The following LRRC56 variants were observed in gnomAD, a reference collection of about 807,000 sequenced individuals.
The protein encoded by LRRC56 is leucine rich repeat containing 56.
Under a neutral mutation model 47.8 loss-of-function variants are expected in LRRC56, and 41 were observed. The ratio of observed to expected loss-of-function variants is 0.86; its 90% CI spans 0.67 to 1.11. LRRC56 has a LOEUF of 1.11. Ranked by LOEUF, LRRC56 falls within the 50% of genes most tolerant of loss-of-function variation. The pLI is 0.00. For synonymous variants in LRRC56, 387 were observed against 311.2 expected, an observed-to-expected ratio of 1.24 and a Z score of -2.56; for missense variants, 759 against 704.2, an observed-to-expected ratio of 1.08 and a Z score of -0.88.
At chr11:551,042 G>A (rs1045543736) in intron 8 of LRRC56, 89 bp from the exon 9 acceptor site, 2 of 782,648 alleles carry the variant, frequency 2.6e-6, no homozygotes, top group African/African-American at 3.6e-5. Context: ...CCCACGGTGG[G>A]TCTGGGAAAG....
chr11:527,118 G>A, the LRRC56 span, among the ~76,000 whole-genome samples: 79 of 152,020 alleles, frequency 5.2e-4, no homozygotes, highest in Non-Finnish European at 2.8e-4. Flanking sequence ...TGGCTAACAC[G>A]GTGAAACCCC....
chr11:524,880 C>T, the LRRC56 span, among the ~76,000 whole-genome samples: 43 of 146,936 alleles, frequency 2.9e-4, no homozygotes, highest in African/African-American at 1.1e-3. Context: ...ATCATGAGGT[C>T]AGGAGATCAG....
the LRRC56 span, among the ~76,000 whole-genome samples, chr11:526,817 G>A: frequency 6.6e-6 from 1 of 151,882 alleles, no homozygotes; most frequent in African/African-American, 2.4e-5. Flanking sequence ...GGCACCAGTA[G>A]TCCCAGCTAC....
rs762980460 is a variant in LRRC56 at position 550,065 on chromosome 11, T to C, written c.424-7T>C. The C allele has an allele frequency of 1.2e-6, 2 of 1,611,602 alleles. No homozygotes were observed. Among genetic ancestry groups the C allele is most frequent in the East Asian group, 4.5e-5 (2 of 44,816 alleles). ...CGGGCCCTGGCTCAGAGCCCCGCGC[T>C]GCCCAGGAACTCTACGCCTCCTACA... On this transcript the variant is annotated splice_polypyrimidine_tract_variant and splice_region_variant and intron_variant, in intron 7 of 13. Transcript: ENST00000270115.
At position 541,550 on chromosome 11, in the gene LRRC56, G is replaced by T; in HGVS notation, c.191G>T (p.Arg64Leu). 4.4e-6 allele frequency: 7 copies of T among 1,578,214 alleles called. No homozygotes were observed. Among genetic ancestry groups the T allele is most frequent in the Non-Finnish European group, 6.0e-6 (7 of 1,160,532 alleles). The change falls in exon 5 of 14, where the codon CGG (arginine) becomes CTG (leucine). Residue 64 changes from arginine to leucine, a missense_variant. Arg to Leu is a moderately radical substitution (Grantham distance 102). Coordinates refer to ENST00000270115, the MANE Select transcript of LRRC56 (RefSeq NM_198075.4). This position sits in a 1 kb window ranked among gnomAD's most constrained non-coding sequence, Gnocchi z 4.1. ...LSPARLQALA[R>L]VDDLRLVRTL... The stretch of plus-strand genomic sequence containing the variant: ...TGGTTTCTACAGCAGGCCCTGGCCC[G>T]GGTGGATGACCTTCGGCTGGTGAGG...
intron 13 of LRRC56, 40 bp downstream of exon 13, chr11:552,742 G>A: frequency 6.4e-7 from 1 of 1,555,882 alleles, no homozygotes; most frequent in Non-Finnish European, 8.7e-7. Flanking sequence ...GCCTGGGAGT[G>A]ACCAACACCC....
At position 541,663 on chromosome 11, in the gene LRRC56, C is replaced by A. The variant is rs2134025243; in HGVS notation, c.265+39C>A. 3.1e-6 allele frequency: 4 copies of A among 1,272,720 alleles called. No homozygotes were observed. Among genetic ancestry groups the A allele is most frequent in the East Asian group, 2.6e-5 (1 of 38,872 alleles). 78.8% of individuals were successfully genotyped at this position (1,272,720 alleles called of 1,614,324 possible). A position where few individuals can be genotyped will look rare whatever the true frequency, so the allele number is the denominator to read the frequency against. ...CACCCCGCCATGGCCACGGCCACGG[C>A]CACGCCTCCCTGTAAACAACACACG... On this transcript the variant is annotated intron_variant, in intron 5 of 13. Transcript: ENST00000270115. This position sits in a 1 kb window ranked among gnomAD's most constrained non-coding sequence, Gnocchi z 4.1.
Position 544,751 on chromosome 11 carries a change from G to A in LRRC56, c.297G>A (p.Lys99=). 1.2e-6 allele frequency: 2 copies of A among 1,612,542 alleles called. No individual in the cohort carries two copies. Among genetic ancestry groups the A allele is most frequent in the South Asian group, 1.1e-5 (1 of 91,068 alleles). The stretch of plus-strand genomic sequence containing the variant: ...ACCTGCCCAACCTGGACCAACTGAA[G>A]CTGAACGGCAGCCACCTGGGCTCCC... The part of the protein sequence containing the change: ...GVHLPNLDQL[K]LNGSHLGSLR... The change falls in exon 6 of 14, where the codon AAG becomes AAA. Residue 99 remains lysine, a synonymous_variant. Coordinates refer to ENST00000270115, the MANE Select transcript of LRRC56 (RefSeq NM_198075.4).
the LRRC56 span, among the ~76,000 whole-genome samples, chr11:513,967 C>A: frequency 6.6e-6 from 1 of 152,074 alleles, no homozygotes; most frequent in East Asian, 1.9e-4. Context: ...CTGGCACTTT[C>A]TATCAGTATC....
chr11:511,896 C>A, the LRRC56 span, among the ~76,000 whole-genome samples: 1 of 152,234 alleles, frequency 6.6e-6, no homozygotes, highest in Middle Eastern at 3.4e-3. Context: ...AGCTGTGCAG[C>A]GGCAGAGCAT....
chr11:526,714 A>G, the LRRC56 span, among the ~76,000 whole-genome samples: 1 of 151,992 alleles, frequency 6.6e-6, no homozygotes, highest in African/African-American at 2.4e-5. Context: ...AGGTGGGTGG[A>G]TCACCTGAGG....
intron 6 of LRRC56, among the ~76,000 whole-genome samples, chr11:549,168 G>C (rs1392328913): frequency 6.6e-6 from 1 of 152,174 alleles, no homozygotes; most frequent in Non-Finnish European, 1.5e-5. Context: ...TGGACAGAAA[G>C]AAGATTTCCG....
the LRRC56 span, among the ~76,000 whole-genome samples, chr11:525,286 T>G: frequency 6.6e-6 from 1 of 151,482 alleles, no homozygotes; most frequent in Non-Finnish European, 1.5e-5. Context: ...ACGCCTGTAA[T>G]CCCAGCACTT....
intron 5 of LRRC56, among the ~76,000 whole-genome samples, 187 bp from the exon 6 acceptor site, chr11:544,533 G>C (rs551946602): frequency 1.3e-5 from 2 of 152,292 alleles, no homozygotes; most frequent in Admixed American, 1.3e-4. Context: ...TTGGTGGCCA[G>C]AGGAGCCCGC....
upstream of LRRC56, chr11:535,223 C>A (rs1393894829): frequency 6.7e-6 from 1 of 149,704 alleles, no homozygotes; most frequent in Non-Finnish European, 1.5e-5. Context: ...GAGGAAGGGG[C>A]CCCCGCCCGC....
chr11:533,435 G>T, upstream of LRRC56: 4 of 1,612,278 alleles, frequency 2.5e-6, no homozygotes, highest in Non-Finnish European at 2.5e-6. Context: ...CTAGCTGTGG[G>T]GTGGAGAGCT....
chr11:524,700 G>C, the LRRC56 span, among the ~76,000 whole-genome samples: 2 of 152,180 alleles, frequency 1.3e-5, no homozygotes, highest in Non-Finnish European at 1.5e-5. Context: ...CAAGCAGTGT[G>C]GGAACAACTG....
chr11:523,797 G>A, the LRRC56 span, among the ~76,000 whole-genome samples: 6 of 151,914 alleles, frequency 3.9e-5, no homozygotes, highest in East Asian at 1.9e-4. Flanking sequence ...GTGTGGTGGC[G>A]CACGCCTGTA....
At chr11:539,159 C>T (rs1203967762) in intron 2 of LRRC56, among the ~76,000 whole-genome samples, 3 of 152,200 alleles carry the variant, frequency 2.0e-5, no homozygotes, top group Non-Finnish European at 4.4e-5. Context: ...TGGCTCACTG[C>T]AAGCTCCACC....
Sources: allele counts gnomAD v4.1 joint callset (sites outside exome capture counted in the v4.1 genomes callset), GRCh38; gene constraint gnomAD v4.1.1; non-coding constraint Gnocchi (gnomAD v3.1); transcripts MANE v1.5; gene names NCBI Gene and HGNC (gene_info 2026-07-23, HGNC 2026-07-21).